Variants in MPHOSPH9 observed in about 807,000 individuals in gnomAD.
The protein encoded by MPHOSPH9 is M-phase phosphoprotein 9.
A neutral mutation model predicts 145.5 loss-of-function variants in MPHOSPH9; 88 were observed. The ratio of observed to expected loss-of-function variants is 0.60; its 90% CI spans 0.51 to 0.72. The LOEUF (loss-of-function observed/expected upper bound fraction) is 0.72, where lower values mean the gene tolerates loss of function less well. MPHOSPH9 is among the 30% of genes least tolerant of loss of function. MPHOSPH9 has a pLI of 0.00. For synonymous variants in MPHOSPH9, 435 were observed against 486.2 expected (o/e 0.89, Z 1.39); for missense variants, 1,238 against 1,386.6 (o/e 0.89, Z 1.70).
At chr12:123,166,514 T>G in intron 17 of MPHOSPH9, 141 bp downstream of exon 17, 1 of 975,408 alleles carries the variant, frequency 1.0e-6, no homozygotes, top group Non-Finnish European at 1.6e-6. Context: ...GTAGTAGCCT[T>G]TCAAAGTAAA....
chr12:123,199,291 C>T (rs558837770), intron 11 of MPHOSPH9, among the ~76,000 whole-genome samples: 2 of 152,208 alleles, frequency 1.3e-5, no homozygotes, highest in Admixed American at 6.6e-5. Flanking sequence ...TATAACTATT[C>T]TTATAATTAA....
At chr12:123,207,602 C>T (rs1488767598) in intron 8 of MPHOSPH9, among the ~76,000 whole-genome samples, 5 of 152,142 alleles carry the variant, frequency 3.3e-5, no homozygotes, top group Middle Eastern at 3.2e-3. Context: ...GCCTGTAATT[C>T]CAGCACTTTG....
At chr12:123,234,877 G>A (rs560734326), upstream of MPHOSPH9, among the ~76,000 whole-genome samples, 1 of 152,158 alleles carries the variant, frequency 6.6e-6, no homozygotes, top group East Asian at 1.9e-4. Flanking sequence ...GATCTCCTTA[G>A]TACCTGATTT....
chr12:123,222,127 G>A (rs1163219337), intron 4 of MPHOSPH9, among the ~76,000 whole-genome samples: 1 of 151,756 alleles, frequency 6.6e-6, no homozygotes, highest in Non-Finnish European at 1.5e-5. Context: ...AAGGTCAGGA[G>A]CTCAAGACCA....
intron 18 of MPHOSPH9, among the ~76,000 whole-genome samples, chr12:123,164,569 C>G (rs543594300): frequency 6.6e-6 from 1 of 152,172 alleles, no homozygotes; most frequent in Non-Finnish European, 1.5e-5. Context: ...TCTACAGATG[C>G]TCAGTAACCA....
chr12:123,188,711 G>A (rs1790088), intron 13 of MPHOSPH9, among the ~76,000 whole-genome samples: 82,970 of 152,010 alleles, frequency 0.55, 27,208 homozygotes, highest in Non-Finnish European at 0.71. Flanking sequence ...AGCCAGGCAT[G>A]GTGGTGCACA....
intron 16 of MPHOSPH9, among the ~76,000 whole-genome samples, chr12:123,174,198 A>G (rs941680549): frequency 2.6e-5 from 4 of 152,086 alleles, no homozygotes; most frequent in African/African-American, 9.7e-5. Flanking sequence ...TGCACTCAAT[A>G]CCGGTGGCTG....
chr12:123,166,846 A>G, intron 16 of MPHOSPH9, 57 bp from the exon 17 acceptor site: 1 of 1,552,536 alleles, frequency 6.4e-7, no homozygotes, highest in Non-Finnish European at 8.7e-7. Context: ...TTCAGACTGC[A>G]TGTGCATATA....
At chr12:123,161,663 CAAAA>C (rs201067689) in intron 21 of MPHOSPH9, among the ~76,000 whole-genome samples, 5 of 66,962 alleles carry the variant, frequency 7.5e-5, no homozygotes, top group Admixed American at 1.3e-4. Context: ...AAACTTAAAG[CAAAA>C]AAAAAAAAAA....
At chr12:123,177,212 T>G (rs1286754617) in intron 15 of MPHOSPH9, among the ~76,000 whole-genome samples, 1 of 151,024 alleles carries the variant, frequency 6.6e-6, no homozygotes, top group Non-Finnish European at 1.5e-5. Flanking sequence ...CATAAACATT[T>G]TTCATAGTAA....
At chr12:123,185,993 G>T (rs559641428) in intron 13 of MPHOSPH9, among the ~76,000 whole-genome samples, 6 of 151,876 alleles carry the variant, frequency 4.0e-5, no homozygotes, top group African/African-American at 1.5e-4. Context: ...TTGGGAGGCC[G>T]AGGCGGGTGG....
chr12:123,218,122 C>T (rs2047047036), intron 6 of MPHOSPH9, among the ~76,000 whole-genome samples: 1 of 151,394 alleles, frequency 6.6e-6, no homozygotes, highest in African/African-American at 2.4e-5. Flanking sequence ...ACCACAGGTG[C>T]TTGGGAGGAT....
At position 123,159,782 on chromosome 12, in the gene MPHOSPH9, C is replaced by T. The variant is rs1385131280; in HGVS notation, c.3450+999G>A. The T allele has an allele frequency of 1.3e-5, 2 of 152,056 alleles. No individual in the cohort carries two copies. The highest frequency in any genetic ancestry group is 2.9e-5 in the Non-Finnish European group (2 of 68,006). The allele number at this position is 152,056 out of a possible 1,614,324, so 9.4% of individuals were successfully genotyped here. A position where few individuals can be genotyped will look rare whatever the true frequency, so the allele number is the denominator to read the frequency against. ...CTACTAAAACATTCTTGGTTAAATA[C>T]GTTACTGCTGATGGAATATTGTACG... is the stretch of plus-strand genomic sequence containing the variant. On this transcript the variant is annotated intron_variant, in intron 23 of 23. Transcript: ENST00000606320. The surrounding 1 kb of genome is among the most constrained non-coding windows in gnomAD (Gnocchi z 4.3).
At chr12:123,187,994 G>A (rs1350318630) in intron 13 of MPHOSPH9, among the ~76,000 whole-genome samples, 1 of 152,178 alleles carries the variant, frequency 6.6e-6, no homozygotes, top group Non-Finnish European at 1.5e-5. Context: ...AGGCATGGTG[G>A]TGGGTGCCTG....
At chr12:123,193,001 G>A (rs1002900994) in intron 13 of MPHOSPH9, among the ~76,000 whole-genome samples, 2 of 149,242 alleles carry the variant, frequency 1.3e-5, no homozygotes, top group African/African-American at 2.5e-5. Context: ...GAACCTGGGA[G>A]GCAGAGTTTG....
Position 123,176,843 on chromosome 12 carries a change from T to C in MPHOSPH9, c.2355-54A>G, listed in dbSNP as rs1050791996. On this transcript the variant is annotated intron_variant, in intron 15 of 23. Coordinates refer to ENST00000606320, the MANE Select transcript of MPHOSPH9 (RefSeq NM_022782.4). Reference sequence around the variant, plus strand: ...AGTACATTTCAACAAATGTAAAATATAGCTCAACCACAGTTTATTTAACAG... The same window carrying C: ...AGTACATTTCAACAAATGTAAAATACAGCTCAACCACAGTTTATTTAACAG... The C allele has an allele frequency of 6.4e-5, 86 of 1,343,180 alleles. No individual in the cohort carries two copies. The East Asian group carries it at 1.5e-3, about 23-fold the overall frequency. 83.2% of individuals were successfully genotyped at this position (1,343,180 alleles called of 1,614,324 possible).
intron 12 of MPHOSPH9, 79 bp downstream of exon 12, chr12:123,198,168 A>G (rs1593166072): frequency 9.2e-7 from 1 of 1,091,782 alleles, no homozygotes; most frequent in East Asian, 2.5e-5. Flanking sequence ...TTCCTTAAAA[A>G]GACAAGAAAC....
chr12:123,226,897 A>T (rs1305484605), intron 3 of MPHOSPH9, among the ~76,000 whole-genome samples: 1 of 152,138 alleles, frequency 6.6e-6, no homozygotes, highest in Non-Finnish European at 1.5e-5. Flanking sequence ...TTGGCCGCCT[A>T]AAGTGCTGGG....
At chr12:123,174,365 G>C (rs1044042903) in intron 16 of MPHOSPH9, among the ~76,000 whole-genome samples, 1 of 142,298 alleles carries the variant, frequency 7.0e-6, no homozygotes, top group Non-Finnish European at 1.5e-5. Flanking sequence ...TCTAGAAAGA[G>C]ACGACTCCAA....
Sources: gnomAD v4.1 joint callset for allele counts (sites outside exome capture counted in the v4.1 genomes callset) on GRCh38, gnomAD v4.1.1 for gene constraint, Gnocchi (gnomAD v3.1) non-coding constraint, MANE v1.5 for transcripts, NCBI Gene and HGNC (gene_info 2026-07-23, HGNC 2026-07-21) for gene names.